VGLL4: variants seen among roughly 807,000 people sequenced by gnomAD.
VGLL4 encodes vestigial like family member 4.
Under a neutral mutation model 21.0 loss-of-function variants are expected in VGLL4, and 7 were observed. That is an observed-to-expected ratio of 0.33 (90% confidence interval 0.19 to 0.63). The LOEUF is 0.63. Among genes scored for constraint, VGLL4 ranks in the 20% least tolerant of loss-of-function variants. The pLI is 0.78. For synonymous variants in VGLL4, 222 were observed against 173.2 expected (o/e 1.28, Z -2.21); for missense variants, 394 against 425.7 (o/e 0.93, Z 0.66).
intron 2 of VGLL4, among the ~76,000 whole-genome samples, chr3:11,600,813 T>A (rs1192146975): frequency 6.6e-6 from 1 of 152,068 alleles, no homozygotes; most frequent in Non-Finnish European, 1.5e-5. Context: ...TTGGAGCATC[T>A]TGAATAATGA....
At chr3:11,676,413 A>AAAAAAAAAAAAAAAAAAT (rs2076293282) in intron 2 of VGLL4, among the ~76,000 whole-genome samples, 2 of 46,914 alleles carry the variant, frequency 4.3e-5, no homozygotes, top group African/African-American at 1.0e-4. Context: ...AAAAAAAATA[A>AAAAAAAAAAAAAAAAAAT]AATAATAATA....
chr3:11,692,588 G>A (rs550432334), intron 2 of VGLL4, among the ~76,000 whole-genome samples: 25 of 152,206 alleles, frequency 1.6e-4, no homozygotes, highest in East Asian at 5.8e-4. Context: ...GAGGAGGAGC[G>A]CTCCCCTGTG....
intron 1 of VGLL4, chr3:11,633,495 C>T (rs2075523720): frequency 6.6e-6 from 1 of 152,320 alleles, no homozygotes; most frequent in African/African-American, 2.4e-5. Flanking sequence ...CTGTGAAACC[C>T]CGTCTCTACT....
intron 2 of VGLL4, among the ~76,000 whole-genome samples, chr3:11,654,074 T>C (rs954945166): frequency 2.6e-5 from 4 of 151,482 alleles, no homozygotes; most frequent in African/African-American, 7.3e-5. Flanking sequence ...CTACAATGCA[T>C]AGGACACCCC....
chr3:11,676,989 T>G (rs528633022), intron 2 of VGLL4, among the ~76,000 whole-genome samples: 1 of 152,308 alleles, frequency 6.6e-6, no homozygotes, highest in African/African-American at 2.4e-5. Flanking sequence ...CATTAAGAGA[T>G]AACTACAGCT....
At chr3:11,671,093 C>T (rs540794148) in intron 2 of VGLL4, among the ~76,000 whole-genome samples, 10 of 152,132 alleles carry the variant, frequency 6.6e-5, no homozygotes, top group Non-Finnish European at 1.3e-4. Context: ...CAGCTGCCCC[C>T]GTCCTTAAGA....
chr3:11,650,579 T>C (rs1208177998), intron 2 of VGLL4, among the ~76,000 whole-genome samples: 2 of 152,082 alleles, frequency 1.3e-5, no homozygotes, highest in African/African-American at 4.8e-5. Flanking sequence ...CATTAGAAAA[T>C]ATGAGTAACC....
chr3:11,606,272 A>G (rs758353787), intron 1 of VGLL4, among the ~76,000 whole-genome samples: 5 of 152,196 alleles, frequency 3.3e-5, no homozygotes, highest in African/African-American at 4.8e-5. Flanking sequence ...ACACGTGGGA[A>G]TTATGGGAGC....
chr3:11,617,433 G>A (rs1025311622), intron 1 of VGLL4, among the ~76,000 whole-genome samples: 2 of 152,216 alleles, frequency 1.3e-5, no homozygotes, highest in African/African-American at 4.8e-5. Context: ...CACAGCTACA[G>A]GGAGGCTTCC....
At chr3:11,603,122 G>A (rs1559893372) in intron 1 of VGLL4, among the ~76,000 whole-genome samples, 1 of 152,168 alleles carries the variant, frequency 6.6e-6, no homozygotes, top group Non-Finnish European at 1.5e-5. Flanking sequence ...TCACAGATGT[G>A]TGGACAGTGT....
At chr3:11,701,141 A>G (rs2076675561) in intron 2 of VGLL4, among the ~76,000 whole-genome samples, 1 of 152,122 alleles carries the variant, frequency 6.6e-6, no homozygotes, top group South Asian at 2.1e-4. Flanking sequence ...CGTTGGAAGC[A>G]AGGCCTAGTA....
intron 2 of VGLL4, among the ~76,000 whole-genome samples, chr3:11,669,617 T>A (rs1283776754): frequency 6.6e-6 from 1 of 152,154 alleles, no homozygotes; most frequent in Non-Finnish European, 1.5e-5. Context: ...TCCAAAAATG[T>A]CTTGCACAGT....
intron 2 of VGLL4, among the ~76,000 whole-genome samples, chr3:11,667,342 T>C (rs1003996769): frequency 2.0e-5 from 3 of 152,240 alleles, no homozygotes; most frequent in African/African-American, 7.2e-5. Flanking sequence ...TGTCCTTATC[T>C]TTCCTTCTGA....
At chr3:11,617,129 G>C (rs183724104) in intron 1 of VGLL4, among the ~76,000 whole-genome samples, 2 of 152,124 alleles carry the variant, frequency 1.3e-5, no homozygotes, top group African/African-American at 4.8e-5. Context: ...TTATATGAGG[G>C]AGACAATAAT....
In VGLL4 at chr3:11,565,897, G is replaced by A. The variant is rs779706102; in HGVS notation, c.273-878C>T. Reference sequence around the variant, plus strand: ...CCTGCTTTATTCCAGGGGTCCCACAGTTCCATCTGCCTTGGGTCTTGCCCC... The same window carrying A: ...CCTGCTTTATTCCAGGGGTCCCACAATTCCATCTGCCTTGGGTCTTGCCCC... On this transcript the variant is annotated intron_variant, in intron 2 of 4. Coordinates refer to ENST00000430365, the MANE Select transcript of VGLL4 (RefSeq NM_001128219.3). This position sits in a 1 kb window ranked among gnomAD's most constrained non-coding sequence, Gnocchi z 4.1. 1.3e-5 allele frequency among the ~76,000 whole-genome samples: 2 copies of A among 152,150 alleles called. No individual in the cohort carries two copies. The highest frequency in any genetic ancestry group is 2.9e-5 in the Non-Finnish European group (2 of 68,018).
chr3:11,678,026 T>C (rs1050071662), intron 2 of VGLL4, among the ~76,000 whole-genome samples: 4 of 152,318 alleles, frequency 2.6e-5, no homozygotes, highest in South Asian at 2.1e-4. Context: ...TCTCAGATTT[T>C]AGCCCTCAAG....
intron 2 of VGLL4, among the ~76,000 whole-genome samples, chr3:11,678,043 G>A (rs2125376810): frequency 6.6e-6 from 1 of 152,104 alleles, no homozygotes; most frequent in African/African-American, 2.4e-5. Flanking sequence ...CAAGAATAGA[G>A]GCTCCCTAGT....
chr3:11,601,230 G>C (rs974245998), intron 2 of VGLL4, among the ~76,000 whole-genome samples: 3 of 152,234 alleles, frequency 2.0e-5, no homozygotes, highest in Non-Finnish European at 2.9e-5. Flanking sequence ...ATGTCAAGAA[G>C]GTAGACAGTG....
rs563534961 is a variant in VGLL4 at position 11,576,876 on chromosome 3, C to T, written c.273-11857G>A. On this transcript the variant is annotated intron_variant, in intron 2 of 4. Transcript: ENST00000430365. The stretch of plus-strand genomic sequence containing the variant: ...CAACTCAAGACTAGGAGAGAAGACA[C>T]ATTCCCTCTAGACACCCCTGGAGGG... Among the ~76,000 whole-genome samples, 75 of 152,376 alleles carry T rather than the reference C, an allele frequency of 4.9e-4. 1 individual carries two copies. The highest frequency in any genetic ancestry group is 1.3e-4 in the Non-Finnish European group (9 of 68,046).
Sources: gnomAD v4.1 joint callset for allele counts (sites outside exome capture counted in the v4.1 genomes callset) on GRCh38, gnomAD v4.1.1 for gene constraint, Gnocchi (gnomAD v3.1) non-coding constraint, MANE v1.5 for transcripts, NCBI Gene and HGNC (gene_info 2026-07-23, HGNC 2026-07-21) for gene names.